The following CD180 variants were observed in gnomAD, a reference collection of about 807,000 sequenced individuals.
CD180 encodes the protein CD180 antigen.
CD180 carries 11 observed loss-of-function variants against 10.7 expected under a neutral mutation model. The observed-to-expected ratio is 1.03, with a 90% CI of 0.65 to 1.70. The LOEUF is 1.70. Ranked by LOEUF, CD180 falls within the 40% of genes most tolerant of loss-of-function variation. CD180 has a pLI of 0.00. For synonymous variants in CD180, 286 were observed against 294.6 expected (o/e 0.97, Z 0.30); for missense variants, 729 against 775.2 (o/e 0.94, Z 0.71).
At chr5:67,189,692 C>T (rs1370905252) in intron 1 of CD180, among the ~76,000 whole-genome samples, 1 of 152,166 alleles carries the variant, frequency 6.6e-6, no homozygotes, top group Admixed American at 6.5e-5. Context: ...GGCACCAAAG[C>T]ACCACATGCT....
At chr5:67,192,493 G>C (rs1742329583) in intron 1 of CD180, among the ~76,000 whole-genome samples, 1 of 152,216 alleles carries the variant, frequency 6.6e-6, no homozygotes, top group Non-Finnish European at 1.5e-5. Context: ...AGGAAGCACA[G>C]TGCTGGCATC....
intron 1 of CD180, chr5:67,191,172 T>A (rs1457449648): frequency 2.6e-6 from 2 of 784,172 alleles, no homozygotes; most frequent in Non-Finnish European, 1.5e-6. Context: ...CAAAGGGCAT[T>A]CCAGTTACAT....
At chr5:67,186,043 A>G in intron 1 of CD180, 26 bp from the exon 2 acceptor site, 1 of 1,415,780 alleles carries the variant, frequency 7.1e-7, no homozygotes, top group African/African-American at 1.4e-5. Context: ...AAGTAAATTA[A>G]TATTAGACTT....
chr5:67,190,938 T>G, intron 1 of CD180: 1 of 985,440 alleles, frequency 1.0e-6, no homozygotes, highest in Non-Finnish European at 1.2e-6. Flanking sequence ...TTCTCACCTT[T>G]TCGGATTTCT....
chr5:67,186,848 CTGTGTGTGTG>C (rs56004314), intron 1 of CD180, among the ~76,000 whole-genome samples: 2 of 146,816 alleles, frequency 1.4e-5, no homozygotes, highest in East Asian at 2.0e-4. Context: ...TTTGTTCTAT[CTGTGTGTGTG>C]TGTGTGTGTG....
chr5:67,196,125 G>A (rs898955910), intron 1 of CD180, among the ~76,000 whole-genome samples: 1 of 152,166 alleles, frequency 6.6e-6, no homozygotes, highest in Non-Finnish European at 1.5e-5. Context: ...TTCAATGCTC[G>A]AAAACCTGGC....
intron 2 of CD180, 146 bp downstream of exon 2, chr5:67,185,705 T>C (rs1263006095): frequency 1.0e-5 from 5 of 489,978 alleles, no homozygotes; most frequent in Admixed American, 8.0e-5. Flanking sequence ...TTCACCCACA[T>C]AGGAGTATTT....
intron 1 of CD180, among the ~76,000 whole-genome samples, chr5:67,190,300 C>T (rs535981195): frequency 3.3e-5 from 5 of 152,150 alleles, no homozygotes; most frequent in African/African-American, 1.2e-4. Context: ...GGTTCCAGAA[C>T]AGCACAACGG....
chr5:67,189,776 GCA>G (rs963210002), intron 1 of CD180, among the ~76,000 whole-genome samples: 1 of 151,510 alleles, frequency 6.6e-6, no homozygotes, highest in South Asian at 2.1e-4. Flanking sequence ...ACACACACAT[GCA>G]CACACACACA....
intron 1 of CD180, among the ~76,000 whole-genome samples, chr5:67,193,879 T>C (rs1021939556): frequency 6.6e-6 from 1 of 152,198 alleles, no homozygotes. Context: ...ACAGCCTGCT[T>C]CCCAATGAGG....
Position 67,183,672 on chromosome 5 carries a change from G to A in CD180, c.1171C>T (p.Gln391Ter), listed in dbSNP as rs1742110412. 6 of 1,613,978 alleles carry A rather than the reference G, an allele frequency of 3.7e-6. No homozygotes were observed. In the South Asian group the frequency reaches 5.5e-5, roughly 15 times the overall value. ...DIEASDCCSLQLKNLSHLQTL... is the reference protein window; with the variant it reads ...DIEASDCCSL ...TGCAAGTGGGACAGGTTTTTGAGTT[G>A]CAGACTGCAGCAGTCAGAAGCCTCT... Residue 391 changes from glutamine (Q) to a stop codon, truncating the protein, a stop_gained, in exon 3 of 3, where the codon CAA (glutamine) becomes TAA (stop). Transcript: ENST00000256447. LOFTEE classifies it low-confidence loss of function (END_TRUNC).
intron 1 of CD180, among the ~76,000 whole-genome samples, chr5:67,190,309 G>A (rs571541838): frequency 5.3e-5 from 8 of 152,266 alleles, no homozygotes; most frequent in Non-Finnish European, 8.8e-5. Context: ...ACAGCACAAC[G>A]GTAATGCAAC....
intron 1 of CD180, among the ~76,000 whole-genome samples, chr5:67,188,593 T>C (rs1039041478): frequency 3.4e-4 from 51 of 152,216 alleles, no homozygotes; most frequent in Non-Finnish European, 1.3e-4. Flanking sequence ...GTGTCTTTTC[T>C]TATGCCGAGT....
At chr5:67,188,557 T>A (rs904815561) in intron 1 of CD180, among the ~76,000 whole-genome samples, 1 of 152,156 alleles carries the variant, frequency 6.6e-6, no homozygotes, top group Non-Finnish European at 1.5e-5. Context: ...CTGGAAAAGA[T>A]CTACTCTGTT....
chr5:67,188,950 G>A (rs1340167488), intron 1 of CD180, among the ~76,000 whole-genome samples: 2 of 152,162 alleles, frequency 1.3e-5, no homozygotes, highest in African/African-American at 4.8e-5. Flanking sequence ...TAGCTGACTG[G>A]TGGGGGAAAA....
intron 1 of CD180, among the ~76,000 whole-genome samples, chr5:67,190,279 C>T (rs1337166183): frequency 6.6e-6 from 1 of 152,184 alleles, no homozygotes; most frequent in Non-Finnish European, 1.5e-5. Context: ...AGCATGAGTT[C>T]TGATAGCCAG....
Position 67,183,440 on chromosome 5 carries a change from A to G in CD180, c.1403T>C (p.Leu468Pro). 4 of 1,614,210 alleles carry G rather than the reference A, an allele frequency of 2.5e-6. No homozygotes were observed. Among genetic ancestry groups the G allele is most frequent in the Non-Finnish European group, 2.5e-6 (3 of 1,180,028 alleles). The change falls in exon 3 of 3, where the codon CTA becomes CCA. Residue 468 changes from leucine (L) to proline (P), a missense_variant. Leu to Pro is a moderately conservative substitution (Grantham distance 98). Transcript: ENST00000256447. ...TAAGTTGAGATGCCGGAGAACTGGTAGGCCTGCTAGAAGATGCTGATTGCT... is the reference window on the plus strand; with the variant it reads ...TAAGTTGAGATGCCGGAGAACTGGTGGGCCTGCTAGAAGATGCTGATTGCT... ...DTSNQHLLAG[L>P]PVLRHLNLKG... is the part of the protein sequence containing the mutation.
chr5:67,191,033 T>C, intron 1 of CD180: 4 of 985,400 alleles, frequency 4.1e-6, no homozygotes, highest in South Asian at 4.7e-5. Flanking sequence ...TCATTAAGCA[T>C]GCCTCCATCC....
Position 67,180,876 on chromosome 5 carries a change from GTAATCCCA to G in CD180, c.*1973_*1980del, listed in dbSNP as rs1742034168. On this transcript the variant is annotated 3_prime_UTR_variant, in exon 3 of 3. Transcript: ENST00000256447. The stretch of plus-strand genomic sequence containing the variant: ...TAGCCAGGCGTGGTGGTGGGCGCCT[GTAATCCCA>G]GCTACTCAGGAGGCTGAGGCAGGAG... 6.6e-6 allele frequency: 1 copy of G among 152,030 alleles called. No homozygotes were observed. The highest frequency in any genetic ancestry group is 2.4e-5 in the African/African-American group (1 of 41,342). The allele number at this position is 152,030 out of a possible 1,614,324, so 9.4% of individuals were successfully genotyped here.
Sources: gnomAD v4.1 joint callset for allele counts (sites outside exome capture counted in the v4.1 genomes callset) on GRCh38, gnomAD v4.1.1 for gene constraint, MANE v1.5 for transcripts, NCBI Gene and HGNC (gene_info 2026-07-23, HGNC 2026-07-21) for gene names.